Variants in PIEZO2 observed in about 807,000 individuals in gnomAD.
PIEZO2 encodes piezo type mechanosensitive ion channel component 2.
Under a neutral mutation model 337.3 loss-of-function variants are expected in PIEZO2, and 172 were observed. The ratio of observed to expected loss-of-function variants is 0.51; its 90% confidence interval spans 0.45 to 0.58. The LOEUF is 0.58. Ranked by LOEUF, PIEZO2 falls within the 20% of genes least tolerant of loss-of-function variation. PIEZO2 has a pLI of 0.00. For missense variants in PIEZO2, 3,028 were observed against 3,391.3 expected (o/e 0.89, Z 2.66); for synonymous variants, 1,251 against 1,228.5 (o/e 1.02, Z -0.38).
chr18:10,957,170 G>T (rs148008026), intron 3 of PIEZO2, among the ~76,000 whole-genome samples: 2,793 of 152,014 alleles, frequency 0.018, 103 homozygotes, highest in African/African-American at 0.063. Context: ...AGGCTGAGGT[G>T]GGTGGATCAT....
chr18:10,995,093 A>G (rs554792501), intron 2 of PIEZO2, among the ~76,000 whole-genome samples: 39 of 147,746 alleles, frequency 2.6e-4, no homozygotes, highest in East Asian at 1.8e-3. Flanking sequence ...AAAAAAAAAA[A>G]AAAGAAAAGC....
At position 10,923,208 on chromosome 18, in the gene PIEZO2, A is replaced by G. The variant is rs572990223; in HGVS notation, c.287-11980T>C. ...CAGACTGTTACTACACTCTGCTTCT[A>G]TAATGGATCAGTTCTCTGGTTTATA... On this transcript the variant is annotated intron_variant, in intron 3 of 55. Coordinates refer to ENST00000674853, the MANE Select transcript of PIEZO2 (RefSeq NM_001378183.1). Among the ~76,000 whole-genome samples, 34 of 152,268 alleles carry G rather than the reference A, an allele frequency of 2.2e-4. No homozygotes were observed. In the South Asian group the frequency reaches 6.6e-3, roughly 30 times the overall value.
Position 11,016,838 on chromosome 18 carries a change from C to T in PIEZO2, c.161-37178G>A, listed in dbSNP as rs1006841073. Among the ~76,000 whole-genome samples, 2 of 152,122 alleles carry T rather than the reference C, an allele frequency of 1.3e-5. No homozygotes were observed. Among genetic ancestry groups the T allele is most frequent in the East Asian group, 3.9e-4 (2 of 5,186 alleles). ...ATGCTCTTGTTGGAAAAACTCCATCCTTTTGTTATTTCCTTCTCCCCTAAT... is the reference window on the plus strand; with the variant it reads ...ATGCTCTTGTTGGAAAAACTCCATCTTTTTGTTATTTCCTTCTCCCCTAAT... On this transcript the variant is annotated intron_variant, in intron 2 of 55. Transcript: ENST00000674853. The surrounding 1 kb of genome is among the most constrained non-coding windows in gnomAD (Gnocchi z 5.6).
At chr18:10,749,254 G>A (rs536569314) in intron 29 of PIEZO2, among the ~76,000 whole-genome samples, 2 of 152,210 alleles carry the variant, frequency 1.3e-5, no homozygotes, top group East Asian at 3.9e-4. Context: ...GAGGCCAGGA[G>A]TTCAAGACCA....
intron 7 of PIEZO2, among the ~76,000 whole-genome samples, chr18:10,838,980 T>C (rs1164249201): frequency 6.6e-6 from 1 of 152,180 alleles, no homozygotes; most frequent in African/African-American, 2.4e-5. Context: ...ATAATATAAA[T>C]ATGGGTTTAG....
intron 3 of PIEZO2, among the ~76,000 whole-genome samples, chr18:10,972,110 T>G (rs978855846): frequency 2.6e-4 from 37 of 143,822 alleles, no homozygotes; most frequent in Non-Finnish European, 4.2e-4. Flanking sequence ...CTGGCCAACA[T>G]GGTGAAACCC....
chr18:10,733,739 C>A (rs1299868769), intron 35 of PIEZO2, among the ~76,000 whole-genome samples: 2 of 152,164 alleles, frequency 1.3e-5, no homozygotes, highest in Admixed American at 1.3e-4. Flanking sequence ...TGAGCCACAG[C>A]GCCCAGCCAG....
chr18:10,696,183 G>A lies in PIEZO2; in HGVS notation c.7081C>T (p.Arg2361Ter), dbSNP rs781461197. The change falls in exon 47 of 56, where the codon CGA (arginine) becomes TGA (stop). Residue 2361 changes from arginine to a stop codon, truncating the protein, a stop_gained. Coordinates refer to ENST00000674853, the MANE Select transcript of PIEZO2 (RefSeq NM_001378183.1). LOFTEE classifies it high-confidence loss of function. Reference protein sequence around the residue: ...LIQFGTMVVDRALYLRKTVLG... With the variant: ...LIQFGTMVVD Reference sequence around the variant, plus strand: ...ACAGTCTTCCTGAGGTAGAGGGCTCGGTCCACCACCATGGTTCCAAACTGA... The same window carrying A: ...ACAGTCTTCCTGAGGTAGAGGGCTCAGTCCACCACCATGGTTCCAAACTGA... 7 of 1,613,858 alleles carry A rather than the reference G, an allele frequency of 4.3e-6. No individual in the cohort carries two copies. Among genetic ancestry groups the A allele is most frequent in the South Asian group, 1.1e-5 (1 of 91,086 alleles).
rs1474792414 is a variant in PIEZO2, at chr18:10,705,482, C to T, written c.5853G>A (p.Glu1951=). Residue 1951 remains glutamate, a synonymous_variant, in exon 41 of 56, where the codon GAG becomes GAA. Transcript: ENST00000674853. ...PPSYSKAVSF[E]HLSFGSQDDS... ...CGTCCTGCGAGCCGAAGGACAGATG[C>T]TCGAAGCTCACAGCCTTGCTGTAGG... 2.6e-6 allele frequency: 4 copies of T among 1,537,268 alleles called. No homozygotes were observed. The highest frequency in any genetic ancestry group is 2.0e-5 in the Admixed American group (1 of 51,008).
intron 3 of PIEZO2, among the ~76,000 whole-genome samples, chr18:10,961,312 A>AG (rs1259207757): frequency 6.6e-6 from 1 of 152,208 alleles, no homozygotes; most frequent in Non-Finnish European, 1.5e-5. Flanking sequence ...GAAGTAAAGA[A>AG]TGGAAAACCA....
At chr18:10,785,323 C>A (rs2039180050) in intron 16 of PIEZO2, among the ~76,000 whole-genome samples, 1 of 152,178 alleles carries the variant, frequency 6.6e-6, no homozygotes, top group Non-Finnish European at 1.5e-5. Context: ...TTCCCCAGGA[C>A]TCTGTTTTGA....
At chr18:10,997,727 A>G (rs535092703) in intron 2 of PIEZO2, among the ~76,000 whole-genome samples, 1 of 152,326 alleles carries the variant, frequency 6.6e-6, no homozygotes, top group South Asian at 2.1e-4. Flanking sequence ...CATCTGAAGA[A>G]CAGAGAGCAA....
Position 10,759,405 on chromosome 18 carries a change from A to G in PIEZO2, c.3757+77T>C, listed in dbSNP as rs550970299. 1 of 1,230,732 alleles carries G rather than the reference A, an allele frequency of 8.1e-7. No individual in the cohort carries two copies. The highest frequency in any genetic ancestry group is 1.3e-5 in the South Asian group (1 of 76,554). The allele number at this position is 1,230,732 out of a possible 1,614,324, so 76.2% of individuals were successfully genotyped here. On this transcript the variant is annotated intron_variant, in intron 26 of 55. Coordinates refer to ENST00000674853, the MANE Select transcript of PIEZO2 (RefSeq NM_001378183.1). This position sits in a 1 kb window ranked among gnomAD's most constrained non-coding sequence, Gnocchi z 5.5. ...AGTCTAGTGGAAGACAAAAGGCACT[A>G]ATGCATAGCACGTGAACAATGATTA...
intron 1 of PIEZO2, among the ~76,000 whole-genome samples, chr18:11,081,950 G>C (rs1598930459): frequency 6.6e-6 from 1 of 151,914 alleles, no homozygotes; most frequent in South Asian, 2.1e-4. Flanking sequence ...AGTAGAGACG[G>C]GGTTTCACCA....
chr18:11,108,443 G>C (rs935757481), intron 1 of PIEZO2, among the ~76,000 whole-genome samples: 1 of 140,114 alleles, frequency 7.1e-6, no homozygotes, highest in African/African-American at 2.7e-5. Context: ...GTGAAACCTC[G>C]TCTCTACTAA....
intron 1 of PIEZO2, among the ~76,000 whole-genome samples, chr18:11,134,943 G>A (rs1014148141): frequency 2.0e-5 from 3 of 151,646 alleles, no homozygotes; most frequent in Admixed American, 2.0e-4. Context: ...CTGAACTACA[G>A]ACACCATGGA....
chr18:11,129,593 A>T lies in PIEZO2; in HGVS notation c.64+18932T>A, dbSNP rs1052180889. On this transcript the variant is annotated intron_variant, in intron 1 of 55. Transcript: ENST00000674853. This position sits in a 1 kb window ranked among gnomAD's most constrained non-coding sequence, Gnocchi z 4.6. ...ACTTGAGCCAGTTTATGCACCCAGA[A>T]CCCCTTGAATGAAGGGGAGGCTGAG... 6.6e-6 allele frequency among the ~76,000 whole-genome samples: 1 copy of T among 152,062 alleles called. No individual in the cohort carries two copies. The highest frequency in any genetic ancestry group is 1.5e-5 in the Non-Finnish European group (1 of 68,024).
chr18:11,001,949 G>GGAAGGAA lies in PIEZO2; in HGVS notation c.161-22290_161-22289insTTCCTTC, dbSNP rs762777726. Among the ~76,000 whole-genome samples, 1 of 146,330 alleles carries GGAAGGAA rather than the reference G, an allele frequency of 6.8e-6. No individual in the cohort carries two copies. The highest frequency in any genetic ancestry group is 1.5e-5 in the Non-Finnish European group (1 of 65,786). On this transcript the variant is annotated intron_variant, in intron 2 of 55. Coordinates refer to ENST00000674853, the MANE Select transcript of PIEZO2 (RefSeq NM_001378183.1). The surrounding 1 kb of genome is among the most constrained non-coding windows in gnomAD (Gnocchi z 5.3). ...AGGAAGGAAGGAAGGAAGGAAGGAA[G>GGAAGGAA]AAAAAAAGACTTGGAAGGAGCCAAA...
At chr18:10,742,715 T>G in intron 31 of PIEZO2, 100 bp from the exon 32 acceptor site, 1 of 1,273,840 alleles carries the variant, frequency 7.9e-7, no homozygotes, top group South Asian at 1.5e-5. Flanking sequence ...GCTAAATTCG[T>G]GGACAAACTA....
Sources: gnomAD v4.1 joint callset for allele counts (sites outside exome capture counted in the v4.1 genomes callset) on GRCh38, gnomAD v4.1.1 for gene constraint, Gnocchi (gnomAD v3.1) non-coding constraint, MANE v1.5 for transcripts, NCBI Gene and HGNC (gene_info 2026-07-23, HGNC 2026-07-21) for gene names.